NEB: variants seen among roughly 807,000 people sequenced by gnomAD.
NEB encodes nebulin.
Under a neutral mutation model 952.2 loss-of-function variants are expected in NEB, and 512 were observed. That is an observed-to-expected ratio of 0.54 (90% CI 0.50 to 0.58). NEB has a LOEUF of 0.58. Ranked by LOEUF, NEB falls within the 20% of genes least tolerant of loss-of-function variation. NEB has a pLI of 0.00. For synonymous variants in NEB, 2,900 were observed against 3,149.8 expected, an observed-to-expected ratio of 0.92 and a Z score of 2.66; for missense variants, 8,428 against 9,231.1, an observed-to-expected ratio of 0.91 and a Z score of 3.56.
intron 36 of NEB, 56 bp downstream of exon 36, chr2:151,674,421 T>C (rs550889123): frequency 7.8e-7 from 1 of 1,288,692 alleles, no homozygotes; most frequent in Non-Finnish European, 1.1e-6. Context: ...TAAACAAGCA[T>C]TTGATTACTT....
intron 13 of NEB, among the ~76,000 whole-genome samples, chr2:151,702,778 G>T (rs1418091508): frequency 6.6e-6 from 1 of 152,132 alleles, no homozygotes; most frequent in Admixed American, 6.5e-5. Flanking sequence ...CGTGAGTTGG[G>T]TTTCCTGAAT....
At chr2:151,635,403 G>T (rs927862784) in intron 64 of NEB, among the ~76,000 whole-genome samples, 1 of 152,074 alleles carries the variant, frequency 6.6e-6, no homozygotes, top group South Asian at 2.1e-4. Context: ...TCTGGGAGAC[G>T]TGCTAAATGG....
At position 151,516,483 on chromosome 2, in the gene NEB, T is replaced by C. The variant is rs2153354530; in HGVS notation, c.22881A>G (p.Lys7627=). Residue 7627 remains lysine, a synonymous_variant, in exon 157 of 182, where the codon AAA becomes AAG. Transcript: ENST00000397345. ...CCCCACTCTGCATCTGCTGAGACTC[T>C]TTGGCAGTGATGTACGTTGGTGTTT... ...DFETPTYITA[K]ESQQMQSGKE... The C allele has an allele frequency of 6.2e-7, 1 of 1,613,076 alleles. No homozygotes were observed. Among genetic ancestry groups the C allele is most frequent in the Non-Finnish European group, 8.5e-7 (1 of 1,179,196 alleles).
At position 151,570,502 on chromosome 2, in the gene NEB, T is replaced by C. The variant is rs777639198; in HGVS notation, c.17113A>G (p.Ser5705Gly). The C allele has an allele frequency of 1.3e-5, 21 of 1,604,580 alleles. No individual in the cohort carries two copies. The South Asian group carries it at 1.6e-4, about 12-fold the overall frequency. Residue 5705 changes from serine to glycine, a missense_variant, in exon 108 of 182, where the codon AGT becomes GGT. By Grantham distance (56) the Ser-to-Gly change is moderately conservative. Coordinates refer to ENST00000397345, the MANE Select transcript of NEB (RefSeq NM_001164508.2). Reference sequence around the variant, plus strand: ...AGTTAAAAAAGGCCACTCACGTCACTGGCAATCTCCCTGGAGGCCTTGGCA... The same window carrying C: ...AGTTAAAAAAGGCCACTCACGTCACCGGCAATCTCCCTGGAGGCCTTGGCA... ...QAAKASREIA[S>G]DYKYKLDHEK...
intron 105 of NEB, among the ~76,000 whole-genome samples, chr2:151,578,310 G>C (rs1468628790): frequency 6.9e-6 from 1 of 145,666 alleles, no homozygotes; most frequent in Non-Finnish European, 1.6e-5. Flanking sequence ...TCTGGAGTGT[G>C]CTGCTAACTT....
Position 151,609,203 on chromosome 2 carries a change from G to GA in NEB, c.12331-528dup, listed in dbSNP as rs1194882203. Among the ~76,000 whole-genome samples the GA allele has an allele frequency of 4.7e-3, 394 of 84,106 alleles. 11 individuals are homozygous for GA. The East Asian group carries it at 0.1, about 22-fold the overall frequency. 55.2% of individuals were successfully genotyped at this position (84,106 alleles called of 152,430 possible). The stretch of plus-strand genomic sequence containing the variant: ...AGTGAAACTCCATTTCAAAATAAAA[G>GA]AAAAAAAAAAGGAAAAACATTTCAA... On this transcript the variant is annotated intron_variant, in intron 81 of 181. Coordinates refer to ENST00000397345, the MANE Select transcript of NEB (RefSeq NM_001164508.2).
intron 13 of NEB, among the ~76,000 whole-genome samples, chr2:151,698,953 T>A (rs2099622938): frequency 1.4e-5 from 2 of 145,626 alleles, no homozygotes; most frequent in African/African-American, 5.1e-5. Context: ...TGTGCCATGC[T>A]GGTGCGCTGC....
chr2:151,632,612 G>T (rs1044365088), intron 65 of NEB, among the ~76,000 whole-genome samples: 1 of 150,430 alleles, frequency 6.6e-6, no homozygotes, highest in Non-Finnish European at 1.5e-5. Flanking sequence ...GGAGGCGAAG[G>T]TTGCAGTAAT....
At chr2:151,687,388 G>C (rs745897827) in intron 27 of NEB, 31 bp downstream of exon 27, 29 of 1,577,822 alleles carry the variant, frequency 1.8e-5, no homozygotes, top group African/African-American at 2.7e-5. Context: ...AGTCCATCTT[G>C]AAAACAAGAC....
chr2:151,725,614 A>G, intron 5 of NEB, 54 bp from the exon 6 acceptor site: 1 of 1,369,974 alleles, frequency 7.3e-7, no homozygotes, highest in Non-Finnish European at 1.0e-6. Flanking sequence ...AATTTCAGGC[A>G]ACATACTCAC....
intron 24 of NEB, chr2:151,690,031 A>G (rs2099535641): frequency 6.6e-6 from 1 of 152,392 alleles, no homozygotes; most frequent in Non-Finnish European, 1.5e-5. Flanking sequence ...AGAGTAGCCT[A>G]CCAATCACAG....
At chr2:151,643,379 C>A in intron 57 of NEB, 26 bp from the exon 58 acceptor site, 1 of 1,558,122 alleles carries the variant, frequency 6.4e-7, no homozygotes, top group South Asian at 1.2e-5. Flanking sequence ...ACAAATTTGT[C>A]ATAATTAAAT....
At chr2:151,645,296 G>A (rs1226417882) in intron 55 of NEB, among the ~76,000 whole-genome samples, 3 of 152,298 alleles carry the variant, frequency 2.0e-5, no homozygotes, top group South Asian at 2.1e-4. Context: ...TGCCTAAGGG[G>A]TTATCTCTTC....
rs1414332016 is a variant in NEB at position 151,643,903 on chromosome 2, T to C, written c.7871A>G (p.Tyr2624Cys). The C allele has an allele frequency of 2.5e-6, 4 of 1,613,972 alleles. No homozygotes were observed. Among genetic ancestry groups the C allele is most frequent in the East Asian group, 4.5e-5 (2 of 44,878 alleles). ...KCQTLVSDVD[Y>C]KNYLHQWTCL... ...TGTCCACTGGTGCAGGTAGTTCTTG[T>C]AGTCCACGTCGCTGACTAAGGTCTG... The change falls in exon 57 of 182, where the codon TAC becomes TGC. Residue 2624 changes from tyrosine (Y) to cysteine (C), a missense_variant. Around this residue, in one of 11 missense-constraint regions of NEB, gnomAD observed 1,772 missense variants for 1,960.3 expected, o/e 0.90. Transcript: ENST00000397345.
intron 145 of NEB, 76 bp downstream of exon 145, chr2:151,530,918 A>G (rs925451730): frequency 1.1e-5 from 10 of 916,804 alleles, no homozygotes; most frequent in African/African-American, 3.3e-5. Context: ...GGAATAGATA[A>G]CTGGACCAGG....
At chr2:151,521,308 G>A (rs2081828990) in intron 153 of NEB, among the ~76,000 whole-genome samples, 1 of 152,148 alleles carries the variant, frequency 6.6e-6, no homozygotes, top group South Asian at 2.1e-4. Context: ...ATGCAGAACA[G>A]TTCAGCATGA....
intron 63 of NEB, among the ~76,000 whole-genome samples, chr2:151,638,803 CTCTCTG>C (rs1560812273): frequency 2.6e-5 from 2 of 76,784 alleles, no homozygotes; most frequent in African/African-American, 1.1e-4. Flanking sequence ...ATATTTCTCT[CTCTCTG>C]TGTGTGTGTG....
chr2:151,492,078 C>A lies in NEB; in HGVS notation c.25057+20G>T. 6.2e-7 allele frequency: 1 copy of A among 1,612,492 alleles called. No homozygotes were observed. The highest frequency in any genetic ancestry group is 1.1e-5 in the South Asian group (1 of 90,932). On this transcript the variant is annotated intron_variant, in intron 178 of 181. Transcript: ENST00000397345. ...CCCTCACTTAAAGTTAATCCCCTCCCCCAACCCAGGCTCAGTTACCTGTAA... is the reference window on the plus strand; with the variant it reads ...CCCTCACTTAAAGTTAATCCCCTCCACCAACCCAGGCTCAGTTACCTGTAA...
chr2:151,505,098 G>A (rs2067762355), intron 165 of NEB, among the ~76,000 whole-genome samples: 1 of 152,194 alleles, frequency 6.6e-6, no homozygotes, highest in South Asian at 2.1e-4. Flanking sequence ...ACCAAAGTAT[G>A]TTATACTACT....
Sources: allele counts gnomAD v4.1 joint callset (sites outside exome capture counted in the v4.1 genomes callset), GRCh38; gene constraint gnomAD v4.1.1; regional missense constraint gnomAD v4.1.1; transcripts MANE v1.5; gene names NCBI Gene and HGNC (gene_info 2026-07-23, HGNC 2026-07-21).